The following USH2A variants were observed in gnomAD, a reference collection of about 807,000 sequenced individuals.
USH2A encodes usherin, also known as Usher syndrome 2A (autosomal recessive, mild).
Under a neutral mutation model 538.9 loss-of-function variants are expected in USH2A, and 443 were observed. That is an observed-to-expected ratio of 0.82 (90% confidence interval 0.76 to 0.89). The LOEUF (loss-of-function observed/expected upper bound fraction) is 0.89, where lower values mean the gene tolerates loss of function less well. Ranked by LOEUF, USH2A falls within the 40% of genes least tolerant of loss-of-function variation. USH2A has a pLI of 0.00. For synonymous variants in USH2A, 2,413 were observed against 2,273.5 expected, an observed-to-expected ratio of 1.06 and a Z score of -1.75; for missense variants, 6,633 against 6,324.8, an observed-to-expected ratio of 1.05 and a Z score of -1.65.
intron 52 of USH2A, among the ~76,000 whole-genome samples, chr1:215,784,975 A>G (rs776521253): frequency 1.3e-5 from 2 of 152,234 alleles, no homozygotes; most frequent in African/African-American, 4.8e-5. Context: ...TAAAAATGAA[A>G]GTCCATGACT....
intron 15 of USH2A, among the ~76,000 whole-genome samples, chr1:216,210,162 CT>C (rs545657467): frequency 3.0e-4 from 44 of 147,964 alleles, no homozygotes; most frequent in Admixed American, 2.7e-4. Flanking sequence ...AATCATACTC[CT>C]TTTTTTTTTT....
intron 21 of USH2A, among the ~76,000 whole-genome samples, chr1:216,115,610 A>G (rs934531390): frequency 4.6e-5 from 7 of 152,282 alleles, no homozygotes; most frequent in African/African-American, 1.4e-4. Flanking sequence ...GAATGCTTCT[A>G]TCAACATCCA....
rs1476079726 is a variant in USH2A at position 215,970,684 on chromosome 1, T to A, written c.6898A>T (p.Ser2300Cys). 5.0e-6 allele frequency: 8 copies of A among 1,613,684 alleles called. No homozygotes were observed. In the Admixed American group the frequency reaches 8.3e-5, roughly 17 times the overall value. Residue 2300 changes from serine to cysteine, a missense_variant, in exon 36 of 72, where the codon AGT becomes TGT. By Grantham distance (112) the Ser-to-Cys change is moderately radical. Coordinates refer to ENST00000307340, the MANE Select transcript of USH2A (RefSeq NM_206933.4). ...GCTTGGACTCTGAAGGAATGTAAAC[T>A]CCAAGGAGCAAATCCGTAAGCACGA... ...SYRAYGFAPW[S>C]LHSFRVQACT...
At chr1:216,315,117 G>T (rs1433297933) in intron 9 of USH2A, among the ~76,000 whole-genome samples, 1 of 152,144 alleles carries the variant, frequency 6.6e-6, no homozygotes, top group African/African-American at 2.4e-5. Context: ...AGAAAAAGAA[G>T]TAATAAATAT....
chr1:215,725,849 G>A (rs1031471325), intron 61 of USH2A, among the ~76,000 whole-genome samples: 3 of 152,152 alleles, frequency 2.0e-5, no homozygotes, highest in Admixed American at 6.5e-5. Flanking sequence ...AAGCTTTTTA[G>A]TGTGATAAAA....
chr1:216,318,749 T>G (rs2037552423), intron 9 of USH2A, among the ~76,000 whole-genome samples: 1 of 152,172 alleles, frequency 6.6e-6, no homozygotes, highest in Non-Finnish European at 1.5e-5. Context: ...TAAGAAGCAT[T>G]AAAATGTATT....
intron 16 of USH2A, chr1:216,204,340 C>T (rs1462566833): frequency 6.6e-6 from 1 of 152,128 alleles, no homozygotes; most frequent in Non-Finnish European, 1.5e-5. Context: ...AGCTTGACCT[C>T]TACCTTAAAT....
chr1:215,740,241 T>C (rs113437383), intron 60 of USH2A, among the ~76,000 whole-genome samples: 4 of 152,308 alleles, frequency 2.6e-5, no homozygotes, highest in African/African-American at 9.6e-5. Context: ...TCATTCATTA[T>C]TTATTTAAAG....
At chr1:216,402,818 C>T (rs4420153) in intron 3 of USH2A, among the ~76,000 whole-genome samples, 113,857 of 151,926 alleles carry the variant, frequency 0.75, 42,872 homozygotes, top group East Asian at 0.84. Context: ...CTCATTTTGT[C>T]CAAGAGTCAA....
At chr1:216,364,919 TG>T in intron 4 of USH2A, 33 bp downstream of exon 4, 1 of 1,612,240 alleles carries the variant, frequency 6.2e-7, no homozygotes, top group Non-Finnish European at 8.5e-7. Flanking sequence ...TGTAATTGGA[TG>T]AAATAAATAA....
At position 216,323,514 on chromosome 1, in the gene USH2A, G is replaced by T. The variant is rs533024548; in HGVS notation, c.1510C>A (p.His504Asn). The T allele has an allele frequency of 5.0e-6, 8 of 1,613,412 alleles. No homozygotes were observed. In the East Asian group the frequency reaches 1.6e-4, roughly 32 times the overall value. Residue 504 changes from histidine (H) to asparagine (N), a missense_variant, in exon 8 of 72, where the codon CAC (histidine) becomes AAC (asparagine). Transcript: ENST00000307340. ...YTTETAVNLR[H>N]RYYAVDEITI... is the part of the protein sequence containing the mutation. ...ATTTCGTCCACTGCATAATATCTGT[G>T]TCTGAGGTTAACAGCAGTCTCAGTT...
chr1:216,154,429 CCAAA>C (rs150713926), intron 21 of USH2A, among the ~76,000 whole-genome samples: 31,330 of 151,894 alleles, frequency 0.21, 3,206 homozygotes, highest in Non-Finnish European at 0.23. Context: ...TGTTTGGTTT[CCAAA>C]CAAAGTTAAA....
chr1:215,815,046 C>T (rs540247018), intron 48 of USH2A, among the ~76,000 whole-genome samples: 6 of 152,250 alleles, frequency 3.9e-5, no homozygotes, highest in Non-Finnish European at 8.8e-5. Flanking sequence ...ATACAAGTCT[C>T]TTTTCTACTT....
At position 216,070,144 on chromosome 1, in the gene USH2A, C is replaced by T. The variant is rs754088904; in HGVS notation, c.6006G>A (p.Met2002Ile). The T allele has an allele frequency of 1.4e-5, 23 of 1,613,984 alleles. 1 individual carries two copies. The South Asian group carries it at 2.2e-4, about 15-fold the overall frequency. Residue 2002 changes from methionine to isoleucine, a missense_variant, in exon 30 of 72, where the codon ATG (methionine) becomes ATA (isoleucine). By Grantham distance (10) the Met-to-Ile change is conservative (BLOSUM62 1). Coordinates refer to ENST00000307340, the MANE Select transcript of USH2A (RefSeq NM_206933.4). ...YSEDSTRPPR[M>I]PSASAEFVNT... ...TGACAAATTCAGCACTGGCAGAGGGCATGCGGGGTGGACGGGTGCTGTCCT... is the reference window on the plus strand; with the variant it reads ...TGACAAATTCAGCACTGGCAGAGGGTATGCGGGGTGGACGGGTGCTGTCCT...
intron 47 of USH2A, among the ~76,000 whole-genome samples, chr1:215,837,218 A>C (rs1255066467): frequency 6.6e-6 from 1 of 152,144 alleles, no homozygotes; most frequent in East Asian, 1.9e-4. Context: ...TTCAGAATTG[A>C]AACATTAATA....
intron 34 of USH2A, 69 bp from the exon 35 acceptor site, chr1:215,993,236 A>G (rs570097268): frequency 1.2e-6 from 2 of 1,611,184 alleles, no homozygotes; most frequent in Non-Finnish European, 1.7e-6. Flanking sequence ...TTGAGGAAAG[A>G]GAATTCATAA....
intron 30 of USH2A, among the ~76,000 whole-genome samples, chr1:216,050,584 C>CTT (rs2030731269): frequency 3.0e-5 from 1 of 33,058 alleles, no homozygotes; most frequent in South Asian, 1.1e-3. Context: ...TTCTTTCTTT[C>CTT]TTTCTTTCTT....
chr1:216,180,315 T>C (rs1436005654), intron 20 of USH2A, among the ~76,000 whole-genome samples: 4 of 152,102 alleles, frequency 2.6e-5, no homozygotes, highest in Non-Finnish European at 5.9e-5. Flanking sequence ...ATAAAATGTC[T>C]ATTTGAATAA....
At chr1:216,018,784 A>G (rs1668777249) in intron 32 of USH2A, among the ~76,000 whole-genome samples, 1 of 107,232 alleles carries the variant, frequency 9.3e-6, no homozygotes, top group Non-Finnish European at 1.8e-5. Context: ...GAAAAATGTT[A>G]AGTAGCATCT....
Sources: gnomAD v4.1 joint callset for allele counts (sites outside exome capture counted in the v4.1 genomes callset) on GRCh38, gnomAD v4.1.1 for gene constraint, MANE v1.5 for transcripts, NCBI Gene and HGNC (gene_info 2026-07-23, HGNC 2026-07-21) for gene names.